The following LDB2 variants were observed in gnomAD, a reference collection of about 807,000 sequenced individuals.
LDB2 encodes the protein LIM domain binding 2.
LDB2 carries 12 observed loss-of-function variants against 44.3 expected under a neutral mutation model. The ratio of observed to expected loss-of-function variants is 0.27; its 90% confidence interval spans 0.17 to 0.44. LDB2 has a LOEUF of 0.44. Ranked by LOEUF, LDB2 falls within the 20% of genes least tolerant of loss-of-function variation. The pLI is 1.00. For missense variants in LDB2, 344 were observed against 473.5 expected (o/e 0.73, Z 2.54); for synonymous variants, 164 against 174.8 (o/e 0.94, Z 0.49).
chr4:16,583,855 C>T (rs182674831), intron 5 of LDB2, among the ~76,000 whole-genome samples: 1 of 152,180 alleles, frequency 6.6e-6, no homozygotes, highest in Non-Finnish European at 1.5e-5. Flanking sequence ...CCCTCTATTT[C>T]AGCACGCTTC....
intron 1 of LDB2, among the ~76,000 whole-genome samples, chr4:16,846,701 A>C (rs556661532): frequency 6.6e-6 from 1 of 152,338 alleles, no homozygotes; most frequent in African/African-American, 2.4e-5. Flanking sequence ...TGCAGTCTGT[A>C]GACTCCCTAG....
intron 2 of LDB2, among the ~76,000 whole-genome samples, chr4:16,716,350 G>A (rs2152672770): frequency 6.6e-6 from 1 of 152,272 alleles, no homozygotes; most frequent in East Asian, 1.9e-4. Flanking sequence ...CGCATTCACG[G>A]AATAATACAT....
chr4:16,716,099 T>C (rs1221525880), intron 2 of LDB2, among the ~76,000 whole-genome samples: 1 of 152,216 alleles, frequency 6.6e-6, no homozygotes, highest in East Asian at 1.9e-4. Context: ...GGTGTGACTT[T>C]CTTGAGAGTA....
intron 1 of LDB2, among the ~76,000 whole-genome samples, chr4:16,810,179 G>C (rs1481246035): frequency 6.6e-6 from 1 of 152,258 alleles, no homozygotes; most frequent in East Asian, 1.9e-4. Flanking sequence ...TAAAGGGAGA[G>C]GGGAGGGAGG....
chr4:16,871,712 C>G (rs374229327), intron 1 of LDB2, among the ~76,000 whole-genome samples: 1 of 151,972 alleles, frequency 6.6e-6, no homozygotes, highest in Admixed American at 6.6e-5. Context: ...CTCCGCCTCC[C>G]AGGTTCAAGC....
intron 1 of LDB2, among the ~76,000 whole-genome samples, chr4:16,856,576 G>T (rs112698186): frequency 6.6e-6 from 1 of 151,834 alleles, no homozygotes; most frequent in African/African-American, 2.4e-5. Flanking sequence ...ATCCATAGAG[G>T]GTATGTAAAT....
intron 1 of LDB2, among the ~76,000 whole-genome samples, chr4:16,879,621 T>A (rs1478009386): frequency 2.0e-5 from 3 of 152,202 alleles, no homozygotes; most frequent in Non-Finnish European, 4.4e-5. Context: ...ATTTATATCA[T>A]CAGCTCTCTG....
intron 1 of LDB2, among the ~76,000 whole-genome samples, chr4:16,871,007 G>A (rs1158813862): frequency 6.6e-6 from 1 of 152,186 alleles, no homozygotes; most frequent in African/African-American, 2.4e-5. Context: ...TGGCAAATGA[G>A]TGAGACCCAT....
intron 2 of LDB2, among the ~76,000 whole-genome samples, chr4:16,755,992 C>A (rs942295898): frequency 6.6e-6 from 1 of 152,106 alleles, no homozygotes; most frequent in African/African-American, 2.4e-5. Flanking sequence ...GCGGACACAC[C>A]CCCATCAGGG....
chr4:16,646,278 CTGCT>C (rs1442782878), intron 2 of LDB2, among the ~76,000 whole-genome samples: 2 of 152,078 alleles, frequency 1.3e-5, no homozygotes, highest in African/African-American at 4.8e-5. Flanking sequence ...GTCTATTTCT[CTGCT>C]TGTTATCTTG....
At chr4:16,760,695 A>G (rs1767709725) in intron 1 of LDB2, among the ~76,000 whole-genome samples, 3 of 152,184 alleles carry the variant, frequency 2.0e-5, no homozygotes, top group Admixed American at 2.0e-4. Flanking sequence ...GCAGAAGACA[A>G]TCACATGAGC....
At chr4:16,764,822 G>A (rs549591584) in intron 1 of LDB2, among the ~76,000 whole-genome samples, 3 of 152,282 alleles carry the variant, frequency 2.0e-5, no homozygotes, top group African/African-American at 4.8e-5. Context: ...TCAGCAAGAC[G>A]GCCAGCAGGA....
At chr4:16,754,724 G>T (rs1241639070) in intron 2 of LDB2, among the ~76,000 whole-genome samples, 2 of 151,990 alleles carry the variant, frequency 1.3e-5, no homozygotes, top group Non-Finnish European at 2.9e-5. Flanking sequence ...TAGAGACAGG[G>T]TTTCACCATA....
intron 2 of LDB2, among the ~76,000 whole-genome samples, chr4:16,666,724 T>TA (rs1270126354): frequency 6.6e-6 from 1 of 152,160 alleles, no homozygotes; most frequent in Non-Finnish European, 1.5e-5. Flanking sequence ...TTGCAGAATC[T>TA]AAAAAATGAA....
At chr4:16,599,464 A>T (rs951173139) in intron 2 of LDB2, among the ~76,000 whole-genome samples, 28 of 152,130 alleles carry the variant, frequency 1.8e-4, no homozygotes, top group Admixed American at 2.0e-4. Context: ...ATAATCTGCC[A>T]TCTCAAGATC....
chr4:16,671,480 C>T (rs190825364), intron 2 of LDB2, among the ~76,000 whole-genome samples: 1 of 152,284 alleles, frequency 6.6e-6, no homozygotes, highest in East Asian at 1.9e-4. Context: ...TTTGTCCCTC[C>T]AGGTCCCTAC....
intron 1 of LDB2, among the ~76,000 whole-genome samples, chr4:16,766,791 C>T (rs141595616): frequency 0.012 from 1,756 of 152,148 alleles, 52 homozygotes; most frequent in Admixed American, 0.063. Context: ...CAGGCATGAG[C>T]GTGCTTGGCC....
chr4:16,688,122 G>A (rs1749707727), intron 2 of LDB2, among the ~76,000 whole-genome samples: 1 of 152,184 alleles, frequency 6.6e-6, no homozygotes, highest in Non-Finnish European at 1.5e-5. Context: ...ATGGGAATTT[G>A]AACTTGAAAA....
intron 5 of LDB2, among the ~76,000 whole-genome samples, chr4:16,560,062 A>C (rs1185243315): frequency 2.0e-5 from 3 of 152,206 alleles, no homozygotes; most frequent in Non-Finnish European, 2.9e-5. Context: ...GACACATTCA[A>C]AGCAGTGTGT....
Sources: allele counts gnomAD v4.1 joint callset (sites outside exome capture counted in the v4.1 genomes callset), GRCh38; gene constraint gnomAD v4.1.1; transcripts MANE v1.5; gene names NCBI Gene and HGNC (gene_info 2026-07-23, HGNC 2026-07-21).